TBC1D22A: variants seen among roughly 807,000 people sequenced by gnomAD.
TBC1D22A encodes the protein putative GTPase activator.
A neutral mutation model predicts 60.2 loss-of-function variants in TBC1D22A; 38 were observed. The ratio of observed to expected loss-of-function variants is 0.63; its 90% CI spans 0.49 to 0.83. The LOEUF (loss-of-function observed/expected upper bound fraction) is 0.83. Ranked by LOEUF, TBC1D22A falls within the 40% of genes least tolerant of loss-of-function variation. The probability of loss-of-function intolerance (pLI) is 0.00; values close to 1 mark genes in which losing one functional copy is unlikely to be tolerated. For missense variants in TBC1D22A, 628 were observed against 701.0 expected, an observed-to-expected ratio of 0.90 and a Z score of 1.18; for synonymous variants, 302 against 281.7, an observed-to-expected ratio of 1.07 and a Z score of -0.72.
intron 4 of TBC1D22A, among the ~76,000 whole-genome samples, chr22:46,810,729 GT>G (rs927852757): frequency 2.0e-5 from 3 of 152,054 alleles, no homozygotes; most frequent in Admixed American, 1.3e-4. Flanking sequence ...TTTGGGAGGA[GT>G]TTTTTTTAAA....
intron 11 of TBC1D22A, among the ~76,000 whole-genome samples, chr22:47,080,620 TA>T (rs77313180): frequency 2.9e-4 from 33 of 115,452 alleles, no homozygotes; most frequent in African/African-American, 7.9e-4. Flanking sequence ...CATATACCTG[TA>T]AAAATATATA....
intron 12 of TBC1D22A, among the ~76,000 whole-genome samples, chr22:47,125,872 A>T (rs1261598818): frequency 6.6e-6 from 1 of 152,212 alleles, no homozygotes; most frequent in Non-Finnish European, 1.5e-5. Context: ...GTGTCCCAGG[A>T]TGGTCAAGTA....
chr22:46,775,968 G>C (rs940902515), intron 1 of TBC1D22A, among the ~76,000 whole-genome samples: 1 of 152,232 alleles, frequency 6.6e-6, no homozygotes, highest in African/African-American at 2.4e-5. Context: ...TGAGGCCCTG[G>C]GGCGTGTGCA....
At position 47,085,952 on chromosome 22, in the gene TBC1D22A, A is replaced by C. The variant is rs147867689; in HGVS notation, c.1330-25556A>C. 2.2e-4 allele frequency among the ~76,000 whole-genome samples: 34 copies of C among 152,358 alleles called. 1 individual carries two copies. The East Asian group carries it at 6.4e-3, about 29-fold the overall frequency. ...TACATGTGCACTGATGAATGTGCAGACCAGATTAAATTGTGATGTAAACAG... is the reference window on the plus strand; with the variant it reads ...TACATGTGCACTGATGAATGTGCAGCCCAGATTAAATTGTGATGTAAACAG... On this transcript the variant is annotated intron_variant, in intron 11 of 12. Coordinates refer to ENST00000337137, the MANE Select transcript of TBC1D22A (RefSeq NM_014346.5).
intron 4 of TBC1D22A, among the ~76,000 whole-genome samples, chr22:46,873,317 T>C (rs986743982): frequency 6.6e-6 from 1 of 152,152 alleles, no homozygotes; most frequent in Non-Finnish European, 1.5e-5. Flanking sequence ...TTAATCATCA[T>C]AAAATTGCTA....
chr22:47,152,456 T>A lies in TBC1D22A; in HGVS notation c.1426-21042T>A, dbSNP rs556540532. On this transcript the variant is annotated intron_variant, in intron 12 of 12. Coordinates refer to ENST00000337137, the MANE Select transcript of TBC1D22A (RefSeq NM_014346.5). ...CGGGCGTCGGTGGCTGGTCATGGCATCTCAGCTGCTCCCCGCTTCCATGGG... is the reference window on the plus strand; with the variant it reads ...CGGGCGTCGGTGGCTGGTCATGGCAACTCAGCTGCTCCCCGCTTCCATGGG... 7.9e-5 allele frequency among the ~76,000 whole-genome samples: 12 copies of A among 152,254 alleles called. No homozygotes were observed. In the South Asian group the frequency reaches 2.5e-3, roughly 32 times the overall value.
At chr22:46,934,930 G>C (rs1357502848) in intron 8 of TBC1D22A, among the ~76,000 whole-genome samples, 1 of 152,232 alleles carries the variant, frequency 6.6e-6, no homozygotes, top group African/African-American at 2.4e-5. Context: ...TGAAGGGAGA[G>C]GGTGGGGAGG....
chr22:46,821,762 C>G (rs1197622162), intron 4 of TBC1D22A, among the ~76,000 whole-genome samples: 2 of 151,970 alleles, frequency 1.3e-5, no homozygotes, highest in Non-Finnish European at 2.9e-5. Context: ...TCTGTATTTC[C>G]CGAATTTACA....
intron 11 of TBC1D22A, among the ~76,000 whole-genome samples, chr22:47,070,945 C>G (rs1189870532): frequency 2.0e-5 from 3 of 152,174 alleles, no homozygotes; most frequent in Non-Finnish European, 4.4e-5. Flanking sequence ...ACGGTCCCGG[C>G]GCTGTTCGTG....
chr22:46,854,523 A>G (rs775187544), intron 4 of TBC1D22A, among the ~76,000 whole-genome samples: 2 of 151,860 alleles, frequency 1.3e-5, no homozygotes, highest in African/African-American at 2.4e-5. Context: ...ATATCTAGTT[A>G]TTGCTGAAGC....
chr22:47,117,989 G>T (rs2147747840), intron 12 of TBC1D22A, among the ~76,000 whole-genome samples: 1 of 152,236 alleles, frequency 6.6e-6, no homozygotes, highest in Non-Finnish European at 1.5e-5. Flanking sequence ...TGGGCATGCT[G>T]GTGGGCGCCT....
chr22:47,123,705 G>C (rs1326719982), intron 12 of TBC1D22A, among the ~76,000 whole-genome samples: 1 of 152,262 alleles, frequency 6.6e-6, no homozygotes, highest in Non-Finnish European at 1.5e-5. Context: ...AAATGCCAAA[G>C]TAGAGATCGT....
chr22:46,903,469 G>A, intron 7 of TBC1D22A, among the ~76,000 whole-genome samples: 1 of 152,322 alleles, frequency 6.6e-6, no homozygotes, highest in East Asian at 1.9e-4. Context: ...TTGAATTTGG[G>A]GACCTGTCGG....
At chr22:47,052,463 A>T (rs1316415645) in intron 11 of TBC1D22A, among the ~76,000 whole-genome samples, 2 of 152,172 alleles carry the variant, frequency 1.3e-5, no homozygotes, top group African/African-American at 4.8e-5. Context: ...AGAAGGAGAC[A>T]GCCTGATGGA....
At chr22:46,983,711 T>C (rs1402080240) in intron 9 of TBC1D22A, among the ~76,000 whole-genome samples, 2 of 150,336 alleles carry the variant, frequency 1.3e-5, no homozygotes, top group Admixed American at 6.6e-5. Context: ...TTTTTTTTTA[T>C]ATTTTATTTT....
intron 11 of TBC1D22A, among the ~76,000 whole-genome samples, chr22:47,056,308 C>T (rs533646678): frequency 1.4e-4 from 22 of 152,116 alleles, no homozygotes; most frequent in Admixed American, 3.9e-4. Flanking sequence ...GAATCTCCTC[C>T]GGCCGGGTGC....
At chr22:47,132,381 C>T (rs2066707999) in intron 12 of TBC1D22A, among the ~76,000 whole-genome samples, 1 of 152,244 alleles carries the variant, frequency 6.6e-6, no homozygotes, top group African/African-American at 2.4e-5. Flanking sequence ...CCAGAGAGAG[C>T]TTTCTAGAAT....
chr22:47,112,867 C>T (rs1475311564), intron 12 of TBC1D22A, among the ~76,000 whole-genome samples: 1 of 152,238 alleles, frequency 6.6e-6, no homozygotes, highest in African/African-American at 2.4e-5. Context: ...GCCCCTCCGC[C>T]CGGCTGATGC....
At chr22:47,124,641 A>AG (rs2066387999) in intron 12 of TBC1D22A, among the ~76,000 whole-genome samples, 1 of 151,936 alleles carries the variant, frequency 6.6e-6, no homozygotes. Context: ...GGTGGCACCG[A>AG]GGGGCATGGA....
Sources: allele counts gnomAD v4.1 joint callset (sites outside exome capture counted in the v4.1 genomes callset), GRCh38; gene constraint gnomAD v4.1.1; transcripts MANE v1.5; gene names NCBI Gene and HGNC (gene_info 2026-07-23, HGNC 2026-07-21).